The following PTPN12 variants were observed in gnomAD, a reference collection of about 807,000 sequenced individuals.
PTPN12 encodes protein tyrosine phosphatase non-receptor type 12.
Under a neutral mutation model 97.6 loss-of-function variants are expected in PTPN12, and 29 were observed. The ratio of observed to expected loss-of-function variants is 0.30; its 90% CI spans 0.22 to 0.41. The LOEUF (loss-of-function observed/expected upper bound fraction) is 0.41, where lower values mean the gene tolerates loss of function less well. Ranked by LOEUF, PTPN12 falls within the 10% of genes least tolerant of loss-of-function variation. The pLI, the probability that PTPN12 is intolerant of heterozygous loss-of-function variation, is 1.00. For missense variants in PTPN12, 819 were observed against 926.0 expected, an observed-to-expected ratio of 0.88 and a Z score of 1.50; for synonymous variants, 327 against 300.4, an observed-to-expected ratio of 1.09 and a Z score of -0.91.
intron 5 of PTPN12, among the ~76,000 whole-genome samples, chr7:77,587,852 C>T (rs968674895): frequency 1.1e-4 from 17 of 152,198 alleles, no homozygotes; most frequent in African/African-American, 2.4e-4. Flanking sequence ...TGCTTCATCT[C>T]GCACTTTTAT....
At chr7:77,547,677 G>A (rs974441257) in intron 1 of PTPN12, among the ~76,000 whole-genome samples, 5 of 152,164 alleles carry the variant, frequency 3.3e-5, no homozygotes, top group Non-Finnish European at 4.4e-5. Flanking sequence ...AAGTATATTC[G>A]GAATATAAGC....
intron 6 of PTPN12, among the ~76,000 whole-genome samples, chr7:77,595,949 A>G (rs1326508171): frequency 6.6e-6 from 1 of 152,316 alleles, no homozygotes; most frequent in African/African-American, 2.4e-5. Context: ...CACAATAATA[A>G]TAATAATTTG....
intron 13 of PTPN12, among the ~76,000 whole-genome samples, chr7:77,629,531 TTTG>T (rs1049032729): frequency 6.6e-6 from 1 of 152,092 alleles, no homozygotes; most frequent in Non-Finnish European, 1.5e-5. Flanking sequence ...TTATTGTTTT[TTTG>T]TTGTTGTTTT....
At chr7:77,573,681 T>C (rs1011773987) in intron 2 of PTPN12, among the ~76,000 whole-genome samples, 1 of 152,248 alleles carries the variant, frequency 6.6e-6, no homozygotes, top group Non-Finnish European at 1.5e-5. Flanking sequence ...GAATTATTCA[T>C]GCACACATTC....
intron 12 of PTPN12, among the ~76,000 whole-genome samples, chr7:77,620,808 C>T (rs991540861): frequency 1.3e-5 from 2 of 152,002 alleles, no homozygotes; most frequent in Admixed American, 6.6e-5. Flanking sequence ...ATTAGCCAGG[C>T]GTGGTGGCAC....
intron 1 of PTPN12, among the ~76,000 whole-genome samples, chr7:77,563,130 A>G (rs1246511401): frequency 6.6e-6 from 1 of 152,204 alleles, no homozygotes; most frequent in East Asian, 1.9e-4. Flanking sequence ...ATCTAGCTAT[A>G]TTGGAGAGAT....
At chr7:77,540,219 ATTTC>A (rs757480258) in intron 1 of PTPN12, among the ~76,000 whole-genome samples, 54 of 149,016 alleles carry the variant, frequency 3.6e-4, no homozygotes, top group Middle Eastern at 3.5e-3. Context: ...TGGAGAGTTC[ATTTC>A]TTTCTTTCTT....
chr7:77,573,097 C>CAA lies in PTPN12; in HGVS notation c.208+1917_208+1918dup, dbSNP rs1383453267. ...GACTCTATCTCAAAAAAAAAAAAAA[C>CAA]AAAAAAACAAAAAAAACCAGTGTAC... On this transcript the variant is annotated intron_variant, in intron 2 of 17. Transcript: ENST00000248594. Among the ~76,000 whole-genome samples, 42 of 48,518 alleles carry CAA rather than the reference C, an allele frequency of 8.7e-4. 6 individuals are homozygous for CAA. The highest frequency in any genetic ancestry group is 3.5e-3 in the African/African-American group (29 of 8,174). 31.8% of individuals were successfully genotyped at this position (48,518 alleles called of 152,430 possible).
chr7:77,577,147 CT>C (rs367743576), intron 2 of PTPN12, among the ~76,000 whole-genome samples: 1 of 152,194 alleles, frequency 6.6e-6, no homozygotes, highest in African/African-American at 2.4e-5. Flanking sequence ...CATTTTCAGC[CT>C]TGTTGCTCAC....
intron 3 of PTPN12, among the ~76,000 whole-genome samples, chr7:77,583,104 T>A (rs1156442875): frequency 6.6e-6 from 1 of 152,218 alleles, no homozygotes; most frequent in South Asian, 2.1e-4. Context: ...ATTAAAAACC[T>A]GTATAGTAGA....
intron 1 of PTPN12, among the ~76,000 whole-genome samples, chr7:77,550,664 A>C (rs1584094732): frequency 1.3e-5 from 2 of 152,224 alleles, no homozygotes; most frequent in Admixed American, 1.3e-4. Context: ...CTGAACTCTC[A>C]CAAAATTGCC....
chr7:77,603,423 GATAACCATTGTTAAAACTCGAGA>G (rs1259956313), intron 8 of PTPN12, among the ~76,000 whole-genome samples: 1 of 152,202 alleles, frequency 6.6e-6, no homozygotes, highest in Non-Finnish European at 1.5e-5. Flanking sequence ...TTCCACTGGA[GATAACCATTGTTAAAACTCGAGA>G]ATGTGTCCTT....
rs1554321255 is a variant in PTPN12 at position 77,605,409 on chromosome 7, G to GGTTTTTTTTTTTTTTTTTTTTTTTTTT, written c.696-1826_696-1825insGTTTTTTTTTTTTTTTTTTTTTTTTTT. The stretch of plus-strand genomic sequence containing the variant: ...TTACTTTAAAATACTTTTGTCATGA[G>GGTTTTTTTTTTTTTTTTTTTTTTTTTT]TTTTTTTTTTTTTTTTTTTTTTTTT... On this transcript the variant is annotated intron_variant, in intron 8 of 17. Coordinates refer to ENST00000248594, the MANE Select transcript of PTPN12 (RefSeq NM_002835.4). Among the ~76,000 whole-genome samples the GGTTTTTTTTTTTTTTTTTTTTTTTTTT allele has an allele frequency of 2.1e-5, 2 of 95,544 alleles. 1 individual carries two copies. The highest frequency in any genetic ancestry group is 2.6e-4 in the Admixed American group (2 of 7,564). The allele number at this position is 95,544 out of a possible 152,430, so 62.7% of individuals were successfully genotyped here.
intron 2 of PTPN12, among the ~76,000 whole-genome samples, chr7:77,573,168 A>G (rs531069521): frequency 6.6e-6 from 1 of 151,720 alleles, no homozygotes; most frequent in Non-Finnish European, 1.5e-5. Flanking sequence ...AATAACCAGT[A>G]TACCTAGCAC....
At chr7:77,606,214 A>G (rs1353827317) in intron 8 of PTPN12, among the ~76,000 whole-genome samples, 1 of 152,106 alleles carries the variant, frequency 6.6e-6, no homozygotes, top group Non-Finnish European at 1.5e-5. Context: ...TCAGGCTCCC[A>G]AAGTGCTGAG....
intron 8 of PTPN12, among the ~76,000 whole-genome samples, chr7:77,601,775 T>G (rs1788194928): frequency 6.6e-6 from 1 of 152,190 alleles, no homozygotes; most frequent in African/African-American, 2.4e-5. Flanking sequence ...TTTCCACGTT[T>G]GCACCACTTC....
At chr7:77,599,750 A>T (rs1241103898) in intron 7 of PTPN12, among the ~76,000 whole-genome samples, 2 of 152,222 alleles carry the variant, frequency 1.3e-5, no homozygotes, top group Non-Finnish European at 2.9e-5. Flanking sequence ...GAAGTTAAAT[A>T]GCTTACCTGA....
chr7:77,627,491 TGACTCA>T lies in PTPN12; in HGVS notation c.1821_1826del (p.Ser608_Asp609del). On this transcript the variant is annotated inframe_deletion, in exon 13 of 18. Coordinates refer to ENST00000248594, the MANE Select transcript of PTPN12 (RefSeq NM_002835.4). ...GTTTTACTAATCCACTTCACTCTGA[TGACTCA>T]GACTCAGATGAAAGAAACTCTGATG... 7 of 1,613,692 alleles carry T rather than the reference TGACTCA, an allele frequency of 4.3e-6. No homozygotes were observed. The highest frequency in any genetic ancestry group is 2.2e-5 in the South Asian group (2 of 91,062).
Position 77,618,562 on chromosome 7 carries a change from G to A in PTPN12, c.1022G>A (p.Arg341His), listed in dbSNP as rs751126065. The stretch of plus-strand genomic sequence containing the variant: ...CCTCCTCCAAAACCACCAAGGACCC[G>A]CAGGTATTGTATGTCTTCGAACATT... ...DSPPPKPPRT[R>H]SCLVEGDAKE... Residue 341 changes from arginine (R) to histidine (H), a missense_variant, in exon 12 of 18, where the codon CGC (arginine) becomes CAC (histidine). Physicochemically the swap from Arg to His is conservative, Grantham distance 29. Around this residue, in one of 5 missense-constraint regions of PTPN12, gnomAD observed 607 missense variants for 577.3 expected, o/e 1.05. Coordinates refer to ENST00000248594, the MANE Select transcript of PTPN12 (RefSeq NM_002835.4). 4.0e-5 allele frequency: 64 copies of A among 1,594,296 alleles called. No homozygotes were observed. Among genetic ancestry groups the A allele is most frequent in the Middle Eastern group, 1.7e-4 (1 of 6,046 alleles).
Sources: allele counts gnomAD v4.1 joint callset (sites outside exome capture counted in the v4.1 genomes callset), GRCh38; gene constraint gnomAD v4.1.1; regional missense constraint gnomAD v4.1.1; transcripts MANE v1.5; gene names NCBI Gene and HGNC (gene_info 2026-07-23, HGNC 2026-07-21).